Variants in ITGA4 observed in about 807,000 individuals in gnomAD.
ITGA4 encodes the protein integrin subunit alpha 4, also known as integrin alpha-4.
In ITGA4, 63 loss-of-function variants were observed where a neutral mutation model predicts 133.6. The ratio of observed to expected loss-of-function variants is 0.47; its 90% CI spans 0.38 to 0.58. ITGA4 has a LOEUF of 0.58. ITGA4 is among the 20% of genes least tolerant of loss of function. The pLI is 0.00. For synonymous variants in ITGA4, 483 were observed against 438.0 expected, an observed-to-expected ratio of 1.10 and a Z score of -1.28; for missense variants, 1,076 against 1,252.7, an observed-to-expected ratio of 0.86 and a Z score of 2.13.
chr2:181,473,527 A>G (rs1371259012), intron 2 of ITGA4, among the ~76,000 whole-genome samples: 1 of 152,194 alleles, frequency 6.6e-6, no homozygotes, highest in Non-Finnish European at 1.5e-5. Context: ...AGGAGCTCAA[A>G]CATTTTCTTC....
At chr2:181,465,033 A>C (rs532971441) in intron 2 of ITGA4, among the ~76,000 whole-genome samples, 1 of 151,880 alleles carries the variant, frequency 6.6e-6, no homozygotes, top group East Asian at 1.9e-4. Flanking sequence ...AGTTCTAAAA[A>C]CCCCTTTTAT....
intron 22 of ITGA4, among the ~76,000 whole-genome samples, chr2:181,528,586 G>C (rs1458427697): frequency 6.6e-6 from 1 of 152,212 alleles, no homozygotes; most frequent in Non-Finnish European, 1.5e-5. Context: ...GCATCCAGAA[G>C]ACCTTGTCTG....
At chr2:181,475,340 T>C (rs996802307) in intron 4 of ITGA4, 52 bp downstream of exon 4, 8 of 1,386,592 alleles carry the variant, frequency 5.8e-6, no homozygotes, top group Non-Finnish European at 8.1e-6. Flanking sequence ...GTGAATACCT[T>C]TTAGTGTTTT....
intron 10 of ITGA4, among the ~76,000 whole-genome samples, chr2:181,491,758 C>T (rs1686052775): frequency 6.6e-6 from 1 of 152,104 alleles, no homozygotes; most frequent in Non-Finnish European, 1.5e-5. Context: ...TCCCTCTTCT[C>T]CTCCTCCTCC....
In ITGA4 at chr2:181,457,691, A is replaced by T; in HGVS notation, c.37A>T (p.Arg13Trp). ...WEARREPGPR[R>W]AAVRETVMLL... ...AGCGAGGCGCGAACCCGGCCCCCGA[A>T]GGGCCGCCGTCCGGGAGACGGTGAT... The change falls in exon 1 of 28, where the codon AGG becomes TGG. Residue 13 changes from arginine to tryptophan, a missense_variant. This residue lies in a region of ITGA4 where 82 missense variants were observed against 68.3 expected (regional missense o/e 1.20). Transcript: ENST00000397033. The T allele has an allele frequency of 6.2e-7, 1 of 1,610,412 alleles. No individual in the cohort carries two copies. The highest frequency in any genetic ancestry group is 2.2e-5 in the East Asian group (1 of 44,720).
At chr2:181,482,302 G>A (rs1049244264) in intron 7 of ITGA4, 58 bp from the exon 8 acceptor site, 3 of 1,471,088 alleles carry the variant, frequency 2.0e-6, no homozygotes, top group Non-Finnish European at 1.8e-6. Flanking sequence ...ACAGAAAGGA[G>A]TGGTGTTTTA....
intron 17 of ITGA4, among the ~76,000 whole-genome samples, chr2:181,513,724 G>A (rs1197588907): frequency 6.6e-6 from 1 of 152,100 alleles, no homozygotes; most frequent in East Asian, 1.9e-4. Flanking sequence ...TACTTATGGT[G>A]GTTTGGCTGT....
intron 18 of ITGA4, among the ~76,000 whole-genome samples, chr2:181,522,856 A>G (rs970255947): frequency 6.6e-6 from 1 of 152,170 alleles, no homozygotes; most frequent in African/African-American, 2.4e-5. Context: ...GCTACTTGCA[A>G]AAGTAACAGT....
rs746136324 is a variant in ITGA4 at position 181,480,283 on chromosome 2, CAAACTT to C, written c.754+21_754+26del. On this transcript the variant is annotated intron_variant, in intron 6 of 27. Coordinates refer to ENST00000397033, the MANE Select transcript of ITGA4 (RefSeq NM_000885.6). ...GTTATTTAGGTACTATAAAAATTGA[CAAACTT>C]AAATGATCTGTGCCTTACAAATACT... is the stretch of plus-strand genomic sequence containing the variant. The C allele has an allele frequency of 7.5e-6, 10 of 1,326,752 alleles. No individual in the cohort carries two copies. Among genetic ancestry groups the C allele is most frequent in the Non-Finnish European group, 1.0e-5 (10 of 979,860 alleles). The allele number at this position is 1,326,752 out of a possible 1,614,324, so 82.2% of individuals were successfully genotyped here. A position where few individuals can be genotyped will look rare whatever the true frequency, so the allele number is the denominator to read the frequency against.
chr2:181,474,878 T>C (rs1685637957), intron 2 of ITGA4, 82 bp from the exon 3 acceptor site: 4 of 948,288 alleles, frequency 4.2e-6, no homozygotes, highest in Non-Finnish European at 3.3e-6. Flanking sequence ...AACAGAAAAA[T>C]ACTGGGGATG....
chr2:181,475,687 G>A, intron 4 of ITGA4: 2 of 1,188,322 alleles, frequency 1.7e-6, no homozygotes, highest in South Asian at 1.9e-5. Flanking sequence ...TAATTGGGAA[G>A]AATAATCAGT....
chr2:181,522,202 A>G lies in ITGA4; in HGVS notation c.1934A>G (p.Asn645Ser), dbSNP rs760310901. ...AKIGFLKPHE[N>S]KTYLAVGSMK... is the part of the protein sequence containing the mutation. The stretch of plus-strand genomic sequence containing the variant: ...TACTTAATTTTTAGGCCCCATGAAA[A>G]TAAAACATATCTTGCTGTTGGGAGT... The change falls in exon 18 of 28, where the codon AAT becomes AGT. Residue 645 changes from asparagine to serine, a missense_variant. Around this residue, in one of 4 missense-constraint regions of ITGA4, gnomAD observed 365 missense variants for 421.4 expected, o/e 0.87. Coordinates refer to ENST00000397033, the MANE Select transcript of ITGA4 (RefSeq NM_000885.6). The G allele has an allele frequency of 3.8e-6, 6 of 1,581,684 alleles. No homozygotes were observed. The Admixed American group carries it at 1.1e-4, about 29-fold the overall frequency.
At chr2:181,524,040 G>A in intron 19 of ITGA4, 131 bp from the exon 20 acceptor site, 1 of 613,974 alleles carries the variant, frequency 1.6e-6, no homozygotes, top group South Asian at 2.2e-5. Context: ...GCCAAGGGAG[G>A]AGTAGCTGAT....
rs1174640208 is a variant in ITGA4 at position 181,475,209 on chromosome 2, G to A, written c.477G>A (p.Lys159=). ...TATTTTACATAAAGAATGAAAATAA[G>A]CTCCCCACTGGTGGTTGCTATGGAG... The part of the protein sequence containing the change: ...KNIFYIKNEN[K]LPTGGCYGVP... Residue 159 remains lysine, a synonymous_variant, in exon 4 of 28, where the codon AAG becomes AAA. Transcript: ENST00000397033. The A allele has an allele frequency of 3.7e-6, 6 of 1,612,134 alleles. No individual in the cohort carries two copies. Among genetic ancestry groups the A allele is most frequent in the African/African-American group, 2.7e-5 (2 of 74,894 alleles).
At chr2:181,530,497 G>T in intron 23 of ITGA4, 27 bp from the exon 24 acceptor site, 1 of 1,594,366 alleles carries the variant, frequency 6.3e-7, no homozygotes, top group South Asian at 1.1e-5. Flanking sequence ...TGAAAGATAA[G>T]ATTTCTCTTG....
At chr2:181,483,435 G>A (rs1034290422) in intron 9 of ITGA4, among the ~76,000 whole-genome samples, 3 of 152,124 alleles carry the variant, frequency 2.0e-5, no homozygotes, top group African/African-American at 7.2e-5. Context: ...CATTTATAAT[G>A]GCATAGCATT....
At chr2:181,460,648 G>T (rs542980986) in intron 2 of ITGA4, among the ~76,000 whole-genome samples, 1 of 148,260 alleles carries the variant, frequency 6.7e-6, no homozygotes, top group African/African-American at 2.5e-5. Flanking sequence ...TTCAAATGTG[G>T]GTGACTCTAA....
chr2:181,458,613 C>T, intron 2 of ITGA4: 1 of 378,138 alleles, frequency 2.6e-6, no homozygotes, highest in Non-Finnish European at 5.0e-6. Flanking sequence ...GTGTAAAGCA[C>T]ATTTTAGACT....
chr2:181,533,221 G>A (rs1367016132), intron 25 of ITGA4, among the ~76,000 whole-genome samples: 6 of 152,110 alleles, frequency 3.9e-5, no homozygotes, highest in East Asian at 3.8e-4. Flanking sequence ...TAAGCACTTA[G>A]TTCATGGAAC....
Sources: allele counts gnomAD v4.1 joint callset (sites outside exome capture counted in the v4.1 genomes callset), GRCh38; gene constraint gnomAD v4.1.1; regional missense constraint gnomAD v4.1.1; transcripts MANE v1.5; gene names NCBI Gene and HGNC (gene_info 2026-07-23, HGNC 2026-07-21).